SPOCK3: variants seen among roughly 807,000 people sequenced by gnomAD.
The protein encoded by SPOCK3 is testican-3.
Under a neutral mutation model 56.6 loss-of-function variants are expected in SPOCK3, and 30 were observed. The ratio of observed to expected loss-of-function variants is 0.53; its 90% CI spans 0.40 to 0.72. The LOEUF is 0.72. Among genes scored for constraint, SPOCK3 ranks in the 30% least tolerant of loss-of-function variants. The pLI is 0.00. For missense variants in SPOCK3, 527 were observed against 530.0 expected (o/e 0.99, Z 0.06); for synonymous variants, 196 against 183.3 (o/e 1.07, Z -0.56).
intron 6 of SPOCK3, among the ~76,000 whole-genome samples, chr4:166,862,488 T>C (rs1247907367): frequency 2.0e-5 from 3 of 152,108 alleles, no homozygotes; most frequent in South Asian, 2.1e-4. Flanking sequence ...AGAGTTAGTA[T>C]TGCTACTAAC....
At chr4:167,161,020 C>G (rs1048953438) in intron 2 of SPOCK3, among the ~76,000 whole-genome samples, 1 of 152,022 alleles carries the variant, frequency 6.6e-6, no homozygotes, top group African/African-American at 2.4e-5. Flanking sequence ...AAAGCCATGG[C>G]AACAAAAGAC....
At chr4:166,871,235 C>T (rs1162541447) in intron 6 of SPOCK3, among the ~76,000 whole-genome samples, 3 of 151,718 alleles carry the variant, frequency 2.0e-5, no homozygotes, top group East Asian at 1.9e-4. Flanking sequence ...GTAACTAAAA[C>T]AATAAATCAA....
intron 8 of SPOCK3, chr4:166,754,153 T>C (rs951915526): frequency 9.9e-7 from 1 of 1,006,588 alleles, no homozygotes. Context: ...TGATAAAAAA[T>C]CCATTTATTT....
chr4:167,002,268 A>G (rs1401994613), intron 3 of SPOCK3, among the ~76,000 whole-genome samples: 1 of 152,140 alleles, frequency 6.6e-6, no homozygotes, highest in African/African-American at 2.4e-5. Context: ...CTGATAATCA[A>G]TATAAAATAC....
chr4:167,219,529 G>A (rs1735696262), intron 2 of SPOCK3, among the ~76,000 whole-genome samples: 1 of 152,138 alleles, frequency 6.6e-6, no homozygotes, highest in Non-Finnish European at 1.5e-5. Flanking sequence ...CATATCAGAA[G>A]ACAATTAATT....
intron 2 of SPOCK3, among the ~76,000 whole-genome samples, chr4:167,144,813 T>C (rs114809937): frequency 0.015 from 2,316 of 151,018 alleles, 68 homozygotes; most frequent in African/African-American, 0.053. Flanking sequence ...AACAGGAAGC[T>C]GGAGAAGAGA....
intron 7 of SPOCK3, among the ~76,000 whole-genome samples, chr4:166,782,775 T>G (rs1233072159): frequency 6.6e-6 from 1 of 152,132 alleles, no homozygotes; most frequent in African/African-American, 2.4e-5. Flanking sequence ...TGAGCTCACA[T>G]TAATAAATTG....
chr4:167,205,675 T>A (rs184234627), intron 2 of SPOCK3, among the ~76,000 whole-genome samples: 37 of 141,100 alleles, frequency 2.6e-4, no homozygotes, highest in South Asian at 6.5e-4. Context: ...TGCAATGGCA[T>A]GATCTCAACT....
At chr4:167,036,442 G>A (rs1269185538) in intron 3 of SPOCK3, among the ~76,000 whole-genome samples, 4 of 151,966 alleles carry the variant, frequency 2.6e-5, no homozygotes, top group Admixed American at 2.0e-4. Flanking sequence ...ATAACTTTTA[G>A]TCCTACTGTA....
At chr4:166,923,605 C>G (rs1406671408) in intron 4 of SPOCK3, among the ~76,000 whole-genome samples, 1 of 152,130 alleles carries the variant, frequency 6.6e-6, no homozygotes, top group Non-Finnish European at 1.5e-5. Flanking sequence ...AACGTATGGT[C>G]CATGATGATA....
At chr4:167,178,861 T>C (rs1486946863) in intron 2 of SPOCK3, among the ~76,000 whole-genome samples, 1 of 152,116 alleles carries the variant, frequency 6.6e-6, no homozygotes, top group Non-Finnish European at 1.5e-5. Flanking sequence ...AAATGGTATA[T>C]TTTTATATCC....
intron 6 of SPOCK3, among the ~76,000 whole-genome samples, chr4:166,809,950 T>A (rs896346109): frequency 6.6e-6 from 1 of 152,068 alleles, no homozygotes; most frequent in Non-Finnish European, 1.5e-5. Context: ...ATCAAATATG[T>A]CTCTCCAACA....
intron 6 of SPOCK3, among the ~76,000 whole-genome samples, chr4:166,833,956 T>C (rs965017795): frequency 1.3e-5 from 2 of 152,142 alleles, no homozygotes; most frequent in Admixed American, 6.5e-5. Context: ...TGTAGAGAGA[T>C]TTTGCTTCTA....
intron 9 of SPOCK3, 138 bp from the exon 10 acceptor site, chr4:166,737,742 G>C (rs1296169657): frequency 1.1e-5 from 10 of 872,728 alleles, no homozygotes; most frequent in Non-Finnish European, 1.5e-5. Context: ...TTCCAGGATA[G>C]ATACCAGTGA....
intron 3 of SPOCK3, among the ~76,000 whole-genome samples, chr4:167,031,908 G>A (rs941624134): frequency 1.1e-4 from 17 of 152,056 alleles, no homozygotes; most frequent in African/African-American, 4.1e-4. Flanking sequence ...CACGTACAGG[G>A]GTAGCAATGT....
intron 7 of SPOCK3, among the ~76,000 whole-genome samples, chr4:166,777,066 G>A (rs1213007415): frequency 6.6e-6 from 1 of 152,086 alleles, no homozygotes; most frequent in East Asian, 1.9e-4. Flanking sequence ...TGTAAATTTT[G>A]AATAGTTAGC....
chr4:167,041,512 TC>T (rs1254950110), intron 3 of SPOCK3, among the ~76,000 whole-genome samples: 2 of 152,150 alleles, frequency 1.3e-5, no homozygotes, highest in African/African-American at 4.8e-5. Context: ...CCTAAATTAT[TC>T]CCAGTTTGTT....
intron 2 of SPOCK3, among the ~76,000 whole-genome samples, chr4:167,116,640 GTATA>G (rs1212151264): frequency 1.8e-5 from 2 of 109,662 alleles, no homozygotes; most frequent in Admixed American, 2.3e-4. Context: ...TACTATATAC[GTATA>G]TATATACACA....
rs537616733 is a variant in SPOCK3, at chr4:167,189,176, T to C, written c.189+44809A>G. On this transcript the variant is annotated intron_variant, in intron 2 of 10. Coordinates refer to ENST00000357545, the MANE Select transcript of SPOCK3 (RefSeq NM_001040159.2). ...ATGAGTCTAGACAAAGGGCAAAAAA[T>C]AAAAAACCTTTACAAATGTTAGCAA... 2.1e-5 allele frequency among the ~76,000 whole-genome samples: 3 copies of C among 145,328 alleles called. 1 individual carries two copies. The South Asian group carries it at 6.4e-4, about 31-fold the overall frequency.
Sources: allele counts gnomAD v4.1 joint callset (sites outside exome capture counted in the v4.1 genomes callset), GRCh38; gene constraint gnomAD v4.1.1; transcripts MANE v1.5; gene names NCBI Gene and HGNC (gene_info 2026-07-23, HGNC 2026-07-21).